ACTR3C: variants seen among roughly 807,000 people sequenced by gnomAD.
The protein encoded by ACTR3C is actin related protein 3C, also known as actin-related protein 3C.
Under a neutral mutation model 26.3 loss-of-function variants are expected in ACTR3C, and 18 were observed. That is an observed-to-expected ratio of 0.68 (90% confidence interval 0.47 to 1.01). The LOEUF is 1.01. Ranked by LOEUF, ACTR3C falls within the 50% of genes least tolerant of loss-of-function variation. ACTR3C has a pLI of 0.00. For missense variants in ACTR3C, 184 were observed against 250.7 expected, an observed-to-expected ratio of 0.73 and a Z score of 1.80; for synonymous variants, 55 against 94.5, an observed-to-expected ratio of 0.58 and a Z score of 2.42.
At chr7:150,188,756 A>C in the ACTR3C span, among the ~76,000 whole-genome samples, 15 of 151,908 alleles carry the variant, frequency 9.9e-5, no homozygotes, top group South Asian at 3.1e-3. Context: ...ACTGTACACT[A>C]AAATGGGTAT....
At chr7:150,181,023 A>C in the ACTR3C span, among the ~76,000 whole-genome samples, 1 of 151,482 alleles carries the variant, frequency 6.6e-6, no homozygotes, top group Non-Finnish European at 1.5e-5. Context: ...AGAAGGGTTA[A>C]TATATAAGCA....
At chr7:149,950,266 C>T in the ACTR3C span, among the ~76,000 whole-genome samples, 1 of 133,104 alleles carries the variant, frequency 7.5e-6, no homozygotes, top group South Asian at 2.4e-4. Flanking sequence ...TGAGTCTGAG[C>T]CAGACAATTG....
At chr7:150,070,965 T>A in the ACTR3C span, among the ~76,000 whole-genome samples, 4 of 146,252 alleles carry the variant, frequency 2.7e-5, no homozygotes, top group African/African-American at 7.7e-5. Flanking sequence ...CAACTAATTT[T>A]TTGCATTTTT....
Position 150,282,394 on chromosome 7 carries a change from A to G in ACTR3C, c.564+2359T>C, listed in dbSNP as rs1584919548. Among the ~76,000 whole-genome samples, 13 of 152,040 alleles carry G rather than the reference A, an allele frequency of 8.6e-5. No homozygotes were observed. The South Asian group carries it at 2.7e-3, about 32-fold the overall frequency. ...ATCGTAACATATTCTGGTCTACTCT[A>G]ACTTAGGTGGCAAAGGAGGTGACCT... On this transcript the variant is annotated intron_variant, in intron 6 of 7. Coordinates refer to ENST00000683684, the MANE Select transcript of ACTR3C (RefSeq NM_001164458.2).
At chr7:149,949,634 A>G in the ACTR3C span, among the ~76,000 whole-genome samples, 2 of 147,196 alleles carry the variant, frequency 1.4e-5, no homozygotes, top group East Asian at 3.9e-4. Context: ...CAGAGAGAGG[A>G]GTGAGAACCA....
At chr7:150,037,921 AGGGGTG>A in the ACTR3C span, among the ~76,000 whole-genome samples, 1 of 118,400 alleles carries the variant, frequency 8.4e-6, no homozygotes, top group Non-Finnish European at 1.8e-5. Flanking sequence ...CCGCGTCGCG[AGGGGTG>A]CCTCCCCCCC....
chr7:150,111,829 C>T, the ACTR3C span, among the ~76,000 whole-genome samples: 1 of 148,056 alleles, frequency 6.8e-6, no homozygotes. Context: ...AAACGCTAAT[C>T]CCTTTTTCTG....
At chr7:150,255,242 A>ATTTT (rs745713614) in intron 6 of ACTR3C, among the ~76,000 whole-genome samples, 6 of 85,590 alleles carry the variant, frequency 7.0e-5, no homozygotes, top group Admixed American at 1.3e-4. Context: ...TTTGTAGGGG[A>ATTTT]TTTTTTTTTT....
At chr7:149,946,473 A>G in the ACTR3C span, among the ~76,000 whole-genome samples, 7 of 152,172 alleles carry the variant, frequency 4.6e-5, no homozygotes, top group Non-Finnish European at 1.0e-4. Context: ...CCACGTCTCC[A>G]CGGAGCCCTG....
chr7:149,927,456 CA>C, the ACTR3C span, among the ~76,000 whole-genome samples: 2 of 150,176 alleles, frequency 1.3e-5, no homozygotes, highest in African/African-American at 4.9e-5. Flanking sequence ...AAGCCAGGCG[CA>C]GTGGCTCATG....
At chr7:150,195,533 CT>C in the ACTR3C span, among the ~76,000 whole-genome samples, 1 of 152,110 alleles carries the variant, frequency 6.6e-6, no homozygotes, top group Non-Finnish European at 1.5e-5. Flanking sequence ...GATATTTTCC[CT>C]CTGTATAAAA....
chr7:150,181,232 C>T, the ACTR3C span, among the ~76,000 whole-genome samples: 1 of 150,522 alleles, frequency 6.6e-6, no homozygotes, highest in Non-Finnish European at 1.5e-5. Context: ...TCTTAGCAAA[C>T]ATAAGCAGTA....
the ACTR3C span, among the ~76,000 whole-genome samples, chr7:150,200,896 A>G: frequency 2.6e-5 from 4 of 152,338 alleles, no homozygotes; most frequent in East Asian, 1.9e-4. Context: ...TTTCCTAATT[A>G]CCATCAAGAA....
At chr7:149,893,451 C>T in the ACTR3C span, among the ~76,000 whole-genome samples, 1 of 152,174 alleles carries the variant, frequency 6.6e-6, no homozygotes, top group African/African-American at 2.4e-5. Context: ...ATTGAACACT[C>T]TGCTAAGTGT....
chr7:149,907,478 T>TCTCTTCTCTCTCTCTCTCTC, the ACTR3C span, among the ~76,000 whole-genome samples: 1 of 97,604 alleles, frequency 1.0e-5, no homozygotes, highest in East Asian at 3.8e-4. Flanking sequence ...CTCTCTTCTC[T>TCTCTTCTCTCTCTCTCTCTC]TCTCTCTCTC....
At chr7:150,145,075 C>T in the ACTR3C span, among the ~76,000 whole-genome samples, 1 of 152,000 alleles carries the variant, frequency 6.6e-6, no homozygotes, top group Non-Finnish European at 1.5e-5. Flanking sequence ...AAGATTCCCC[C>T]CCTTTCCTAT....
the ACTR3C span, among the ~76,000 whole-genome samples, chr7:150,152,587 G>A: frequency 3.9e-5 from 6 of 152,142 alleles, no homozygotes; most frequent in South Asian, 2.1e-4. Context: ...CAAGGATATT[G>A]GTCTAAAATT....
chr7:150,198,909 C>T, the ACTR3C span, among the ~76,000 whole-genome samples: 1 of 147,674 alleles, frequency 6.8e-6, no homozygotes, highest in Non-Finnish European at 1.5e-5. Context: ...GCCCAGCCAG[C>T]CGCCCCGTCC....
the ACTR3C span, among the ~76,000 whole-genome samples, chr7:150,234,482 G>C: frequency 6.6e-6 from 1 of 152,228 alleles, no homozygotes; most frequent in South Asian, 2.1e-4. Flanking sequence ...TGAGAGCTTG[G>C]TGGGGCTTCT....
Sources: gnomAD v4.1 joint callset for allele counts (sites outside exome capture counted in the v4.1 genomes callset) on GRCh38, gnomAD v4.1.1 for gene constraint, MANE v1.5 for transcripts, NCBI Gene and HGNC (gene_info 2026-07-23, HGNC 2026-07-21) for gene names.